Variants in PALB2 observed in about 807,000 individuals in gnomAD.
PALB2 encodes mutant partner and localizer of BRCA2.
In PALB2, 82 loss-of-function variants were observed where a neutral mutation model predicts 107.4. That is an observed-to-expected ratio of 0.76 (90% CI 0.64 to 0.92). The LOEUF (loss-of-function observed/expected upper bound fraction) is 0.92, where lower values mean the gene tolerates loss of function less well. PALB2 is among the 40% of genes least tolerant of loss of function. The pLI is 0.00. For synonymous variants in PALB2, 489 were observed against 496.8 expected, an observed-to-expected ratio of 0.98 and a Z score of 0.21; for missense variants, 1,374 against 1,379.9, an observed-to-expected ratio of 1.00 and a Z score of 0.07.
chr16:23,629,929 G>A lies in PALB2; in HGVS notation c.2225C>T (p.Ser742Phe), dbSNP rs1555460437. The change falls in exon 5 of 13, where the codon TCC becomes TTC. Residue 742 changes from serine (S) to phenylalanine (F), a missense_variant. Coordinates refer to ENST00000261584, the MANE Select transcript of PALB2 (RefSeq NM_024675.4). ...GTTPAFGPQG[S>F]YEKASTEVAG... ...AACTTCTGTAGATGCTTTTTCATAG[G>A]AGCCTTGAGGGCCAAAGGCTGGAGT... is the stretch of plus-strand genomic sequence containing the variant. 6.2e-7 allele frequency: 1 copy of A among 1,614,184 alleles called. No homozygotes were observed. The highest frequency in any genetic ancestry group is 8.5e-7 in the Non-Finnish European group (1 of 1,180,036).
At chr16:23,605,111 A>T (rs368268995) in intron 12 of PALB2, among the ~76,000 whole-genome samples, 2 of 152,142 alleles carry the variant, frequency 1.3e-5, no homozygotes, top group East Asian at 3.9e-4. Flanking sequence ...TCACTGCTGT[A>T]TCACTGGTGC....
chr16:23,608,081 G>T (rs868378068), intron 11 of PALB2, 69 bp from the exon 12 acceptor site: 8 of 1,531,878 alleles, frequency 5.2e-6, no homozygotes, highest in Admixed American at 1.7e-5. Context: ...TAAAGATCTG[G>T]CAGAGACAAA....
intron 10 of PALB2, among the ~76,000 whole-genome samples, chr16:23,620,231 A>G (rs1029008513): frequency 1.3e-5 from 2 of 152,190 alleles, no homozygotes; most frequent in African/African-American, 4.8e-5. Flanking sequence ...ACCTATGAAT[A>G]TGCAGTTTAA....
intron 4 of PALB2, 38 bp from the exon 5 acceptor site, chr16:23,630,507 C>T (rs2142391815): frequency 6.8e-7 from 1 of 1,468,156 alleles, no homozygotes; most frequent in Non-Finnish European, 9.4e-7. Context: ...AGTAACAAAA[C>T]CCAACAAAAC....
At chr16:23,619,087 G>A (rs1966730195) in intron 10 of PALB2, among the ~76,000 whole-genome samples, 1 of 152,112 alleles carries the variant, frequency 6.6e-6, no homozygotes, top group Non-Finnish European at 1.5e-5. Context: ...AGGGTTGGAT[G>A]GTACATAAGA....
intron 10 of PALB2, among the ~76,000 whole-genome samples, chr16:23,617,002 C>T (rs1266588914): frequency 3.3e-5 from 5 of 151,914 alleles, no homozygotes; most frequent in East Asian, 3.9e-4. Flanking sequence ...TTAGTAGAGA[C>T]GGGGTTTTAC....
chr16:23,619,171 G>T (rs1034838030), intron 10 of PALB2, among the ~76,000 whole-genome samples: 16 of 152,160 alleles, frequency 1.1e-4, no homozygotes. Flanking sequence ...ACAGTTAATA[G>T]ACAAGGCTTC....
chr16:23,631,524 TATAA>T (rs1195672067), intron 4 of PALB2, among the ~76,000 whole-genome samples: 4 of 151,778 alleles, frequency 2.6e-5, no homozygotes, highest in Admixed American at 6.6e-5. Context: ...TGGCCAACAG[TATAA>T]ATAAATAAAT....
chr16:23,629,915 A>G lies in PALB2; in HGVS notation c.2239T>C (p.Ser747Pro), dbSNP rs1189203530. 3 of 1,614,192 alleles carry G rather than the reference A, an allele frequency of 1.9e-6. No homozygotes were observed. Among genetic ancestry groups the G allele is most frequent in the Middle Eastern group, 1.6e-4 (1 of 6,062 alleles). Residue 747 changes from serine to proline, a missense_variant, in exon 5 of 13, where the codon TCT (serine) becomes CCT (proline). Ser to Pro is a moderately conservative substitution (Grantham distance 74). Transcript: ENST00000261584. The part of the protein sequence containing the change: ...FGPQGSYEKA[S>P]TEVAGRTCCT... ...CAAGTTCGTCCAGCAACTTCTGTAG[A>G]TGCTTTTTCATAGGAGCCTTGAGGG...
chr16:23,637,441 C>T (rs973881037), intron 3 of PALB2, among the ~76,000 whole-genome samples: 1 of 152,014 alleles, frequency 6.6e-6, no homozygotes, highest in Non-Finnish European at 1.5e-5. Flanking sequence ...CAGTGGCTCA[C>T]ACCTGTATCC....
In PALB2 at chr16:23,630,128, T is replaced by G. The variant is rs761478794; in HGVS notation, c.2026A>C (p.Ile676Leu). The change falls in exon 5 of 13, where the codon ATT becomes CTT. Residue 676 changes from isoleucine (I) to leucine (L), a missense_variant. Physicochemically the swap from Ile to Leu is conservative, Grantham distance 5. Coordinates refer to ENST00000261584, the MANE Select transcript of PALB2 (RefSeq NM_024675.4). ...GGATGTGATTTTCCTGGTAGAACAA[T>G]AAGGTCCTCTTCTAAGTCCTCCATT... ...TEMEDLEEDL[I>L]VLPGKSHPKR... The G allele has an allele frequency of 1.9e-6, 3 of 1,614,188 alleles. No homozygotes were observed. The highest frequency in any genetic ancestry group is 2.5e-6 in the Non-Finnish European group (3 of 1,180,028).
At chr16:23,608,046 A>T (rs2142274872) in intron 11 of PALB2, 34 bp from the exon 12 acceptor site, 1 of 1,601,808 alleles carries the variant, frequency 6.2e-7, no homozygotes, top group Non-Finnish European at 8.6e-7. Flanking sequence ...TCCCAAATAG[A>T]CTGTCAAGAG....
At chr16:23,608,831 C>T (rs1966531095) in intron 11 of PALB2, among the ~76,000 whole-genome samples, 1 of 146,754 alleles carries the variant, frequency 6.8e-6, no homozygotes, top group Admixed American at 6.9e-5. Context: ...CACATATATA[C>T]AGATTTTTTT....
intron 11 of PALB2, among the ~76,000 whole-genome samples, chr16:23,610,493 G>C (rs938462032): frequency 1.3e-5 from 2 of 151,502 alleles, no homozygotes; most frequent in Non-Finnish European, 2.9e-5. Flanking sequence ...ATTTTTAGGA[G>C]AGACGGAGTT....
At chr16:23,640,312 A>G (rs948198619) in intron 1 of PALB2, 3 of 202,542 alleles carry the variant, frequency 1.5e-5, no homozygotes, top group African/African-American at 6.9e-5. Flanking sequence ...ACATCCTAAA[A>G]GTCTATCAGT....
intron 1 of PALB2, chr16:23,638,573 G>A (rs1967123855): frequency 2.2e-6 from 1 of 456,758 alleles, no homozygotes; most frequent in African/African-American, 2.0e-5. Flanking sequence ...ATCCGTTAAT[G>A]GTCCAGGTAT....
intron 12 of PALB2, among the ~76,000 whole-genome samples, chr16:23,607,163 A>T (rs1430581982): frequency 6.6e-6 from 1 of 152,198 alleles, no homozygotes; most frequent in Non-Finnish European, 1.5e-5. Flanking sequence ...GGCTCAGTCA[A>T]ACTCAGTCAG....
chr16:23,629,561 G>A (rs1371407100), intron 5 of PALB2, 79 bp downstream of exon 5: 5 of 1,392,074 alleles, frequency 3.6e-6, no homozygotes, highest in Middle Eastern at 1.7e-4. Flanking sequence ...GGCCCAATGC[G>A]CAAGCAAGTC....
At chr16:23,622,853 C>T (rs546963331) in intron 9 of PALB2, 116 bp downstream of exon 9, 2 of 1,169,548 alleles carry the variant, frequency 1.7e-6, no homozygotes, top group African/African-American at 3.0e-5. Context: ...GCGGTACATG[C>T]TTATATTACA....
Sources: gnomAD v4.1 joint callset for allele counts (sites outside exome capture counted in the v4.1 genomes callset) on GRCh38, gnomAD v4.1.1 for gene constraint, MANE v1.5 for transcripts, NCBI Gene and HGNC (gene_info 2026-07-23, HGNC 2026-07-21) for gene names.